USP6NL: variants seen among roughly 807,000 people sequenced by gnomAD.
USP6NL encodes the protein USP6 N-terminal like.
USP6NL carries 26 observed loss-of-function variants against 61.9 expected under a neutral mutation model. The ratio of observed to expected loss-of-function variants is 0.42; its 90% CI spans 0.31 to 0.58. The LOEUF (loss-of-function observed/expected upper bound fraction) is 0.58. USP6NL is among the 20% of genes least tolerant of loss of function. The pLI is 0.16. For synonymous variants in USP6NL, 432 were observed against 390.1 expected (o/e 1.11, Z -1.27); for missense variants, 1,114 against 1,034.3 (o/e 1.08, Z -1.06).
chr10:11,462,462 G>C lies in USP6NL; in HGVS notation c.2466C>G (p.Ile822Met). The change falls in exon 15 of 15, where the codon ATC becomes ATG. Residue 822 changes from isoleucine (I) to methionine (M), a missense_variant. By Grantham distance (10) the Ile-to-Met change is conservative. Coordinates refer to ENST00000609104, the MANE Select transcript of USP6NL (RefSeq NM_014688.5). ...YHYRNRDGLS[I>M]QESVLL ...AATCTCACAGCAACACTGACTCTTG[G>C]ATGGAAAGCCCGTCCCGATTCCTGT... 1 of 1,613,616 alleles carries C rather than the reference G, an allele frequency of 6.2e-7. No individual in the cohort carries two copies. The highest frequency in any genetic ancestry group is 8.5e-7 in the Non-Finnish European group (1 of 1,179,830).
chr10:11,480,239 G>A (rs2440084), intron 14 of USP6NL, among the ~76,000 whole-genome samples: 149,604 of 152,330 alleles, frequency 0.98, 73,514 homozygotes, highest in East Asian at 1. Flanking sequence ...TAAATGAGAC[G>A]GCACCTGTGG....
At chr10:11,543,808 T>TTG (rs1441463351) in intron 2 of USP6NL, among the ~76,000 whole-genome samples, 3 of 119,340 alleles carry the variant, frequency 2.5e-5, no homozygotes, top group African/African-American at 9.5e-5. Context: ...TTTAGGTTTT[T>TTG]TTTTTTTTTT....
chr10:11,552,275 AG>A (rs1260513080), intron 2 of USP6NL, among the ~76,000 whole-genome samples: 3 of 152,250 alleles, frequency 2.0e-5, no homozygotes, highest in Admixed American at 1.3e-4. Context: ...GCAGAATGAA[AG>A]AGCTTCTGAA....
Position 11,532,295 on chromosome 10 carries a change from G to A in USP6NL, c.5-4728C>T. ...TATAGTTCTCGAACACACCAAGAGT[G>A]CTGCCCGGCGGTACCTCACACATTC... On this transcript the variant is annotated intron_variant, in intron 2 of 14. Coordinates refer to ENST00000609104, the MANE Select transcript of USP6NL (RefSeq NM_014688.5). The surrounding 1 kb of genome is among the most constrained non-coding windows in gnomAD (Gnocchi z 4.1). 1 of 1,425,522 alleles carries A rather than the reference G, an allele frequency of 7.0e-7. No homozygotes were observed. Among genetic ancestry groups the A allele is most frequent in the East Asian group, 2.5e-5 (1 of 40,188 alleles). 88.3% of individuals were successfully genotyped at this position (1,425,522 alleles called of 1,614,324 possible). A position where few individuals can be genotyped will look rare whatever the true frequency, so the allele number is the denominator to read the frequency against.
rs911665165 is a variant in USP6NL, at chr10:11,513,322, T to A, written c.196-3647A>T. On this transcript the variant is annotated intron_variant, in intron 5 of 14. Transcript: ENST00000609104. The surrounding 1 kb of genome is among the most constrained non-coding windows in gnomAD (Gnocchi z 4.7). ...CCAGAAGTTAATAATATCCCGTATG[T>A]GGCAGAATGGTAGAAATGGAATTAT... Among the ~76,000 whole-genome samples, 1 of 152,252 alleles carries A rather than the reference T, an allele frequency of 6.6e-6. No homozygotes were observed. Among genetic ancestry groups the A allele is most frequent in the Admixed American group, 6.5e-5 (1 of 15,290 alleles).
At chr10:11,577,316 G>A (rs993540384) in intron 2 of USP6NL, among the ~76,000 whole-genome samples, 11 of 151,800 alleles carry the variant, frequency 7.2e-5, no homozygotes, top group African/African-American at 1.9e-4. Context: ...CACCCACCTC[G>A]CCCTCCCAAA....
At position 11,499,095 on chromosome 10, in the gene USP6NL, C is replaced by T. The variant is rs559786102; in HGVS notation, c.384+2006G>A. ...TATGCTGGGTCCAAATAATTTCACC[C>T]ATCTGAGAAAAGTCTCGGCAGATTA... On this transcript the variant is annotated intron_variant, in intron 7 of 14. Coordinates refer to ENST00000609104, the MANE Select transcript of USP6NL (RefSeq NM_014688.5). The surrounding 1 kb of genome is among the most constrained non-coding windows in gnomAD (Gnocchi z 4.5). 6.6e-6 allele frequency among the ~76,000 whole-genome samples: 1 copy of T among 152,236 alleles called. No individual in the cohort carries two copies. The highest frequency in any genetic ancestry group is 2.4e-5 in the African/African-American group (1 of 41,528).
intron 2 of USP6NL, among the ~76,000 whole-genome samples, chr10:11,583,184 A>T (rs1588410734): frequency 2.2e-5 from 3 of 133,606 alleles, no homozygotes; most frequent in Middle Eastern, 3.8e-3. Flanking sequence ...TATGTTTTCA[A>T]TTTTTTTTTT....
intron 5 of USP6NL, among the ~76,000 whole-genome samples, chr10:11,514,316 T>TATGGGGCGCATATC (rs1591871230): frequency 1.3e-5 from 2 of 152,042 alleles, no homozygotes; most frequent in East Asian, 3.9e-4. Flanking sequence ...CTGAATCAAT[T>TATGGGGCGCATATC]ATGACTGTGA....
chr10:11,515,850 C>T (rs1478137258), intron 5 of USP6NL, among the ~76,000 whole-genome samples: 3 of 152,126 alleles, frequency 2.0e-5, no homozygotes, highest in Non-Finnish European at 4.4e-5. Flanking sequence ...TGTCTTTTTA[C>T]AGAACACCCT....
At chr10:11,569,206 C>T (rs924243940) in intron 2 of USP6NL, among the ~76,000 whole-genome samples, 5 of 152,050 alleles carry the variant, frequency 3.3e-5, no homozygotes, top group African/African-American at 4.8e-5. Context: ...AAGCTGAAAA[C>T]GATTATCCAC....
At chr10:11,506,857 T>C (rs563135760) in intron 6 of USP6NL, among the ~76,000 whole-genome samples, 7 of 152,228 alleles carry the variant, frequency 4.6e-5, no homozygotes, top group African/African-American at 1.7e-4. Context: ...GTAAGGAATC[T>C]GTGGAGAGAA....
intron 1 of USP6NL, among the ~76,000 whole-genome samples, chr10:11,599,529 T>C (rs192725334): frequency 1.9e-4 from 29 of 152,300 alleles, no homozygotes; most frequent in Admixed American, 8.5e-4. Flanking sequence ...ATAAAACTTA[T>C]AAACACTAGA....
chr10:11,508,740 T>C (rs1219309954), intron 6 of USP6NL, among the ~76,000 whole-genome samples: 1 of 152,234 alleles, frequency 6.6e-6, no homozygotes, highest in East Asian at 1.9e-4. Context: ...CCAAGTGCAA[T>C]GACTGTGTCA....
At chr10:11,590,760 C>T (rs1838136779) in intron 2 of USP6NL, among the ~76,000 whole-genome samples, 1 of 151,798 alleles carries the variant, frequency 6.6e-6, no homozygotes, top group Non-Finnish European at 1.5e-5. Context: ...AAACATAATT[C>T]CCCTCTGAAC....
intron 2 of USP6NL, among the ~76,000 whole-genome samples, chr10:11,560,137 A>G (rs1217240165): frequency 1.3e-5 from 2 of 152,220 alleles, no homozygotes; most frequent in Non-Finnish European, 2.9e-5. Flanking sequence ...AGCACGATAC[A>G]TTGCAAATTC....
intron 2 of USP6NL, among the ~76,000 whole-genome samples, chr10:11,550,881 C>G (rs1445489449): frequency 6.6e-6 from 1 of 150,680 alleles, no homozygotes; most frequent in African/African-American, 2.4e-5. Flanking sequence ...CTAAAAGATG[C>G]CCCAAACCAC....
Position 11,592,389 on chromosome 10 carries a change from A to G in USP6NL, c.4+5242T>C, listed in dbSNP as rs1349837665. 6.6e-6 allele frequency among the ~76,000 whole-genome samples: 1 copy of G among 152,182 alleles called. No homozygotes were observed. The highest frequency in any genetic ancestry group is 1.5e-5 in the Non-Finnish European group (1 of 68,040). On this transcript the variant is annotated intron_variant, in intron 2 of 14. Transcript: ENST00000609104. This position sits in a 1 kb window ranked among gnomAD's most constrained non-coding sequence, Gnocchi z 4.7. ...TCTGACAGTGGCCCCTGCCCACTAG[A>G]TGCCATCAGGTCCCCCAGTAACTGT...
chr10:11,464,893 A>T (rs754368805), intron 14 of USP6NL, among the ~76,000 whole-genome samples: 24 of 152,368 alleles, frequency 1.6e-4, no homozygotes, highest in Non-Finnish European at 2.5e-4. Context: ...TTGAAATGCC[A>T]GGAATGGAGA....
Sources: allele counts gnomAD v4.1 joint callset (sites outside exome capture counted in the v4.1 genomes callset), GRCh38; gene constraint gnomAD v4.1.1; non-coding constraint Gnocchi (gnomAD v3.1); transcripts MANE v1.5; gene names NCBI Gene and HGNC (gene_info 2026-07-23, HGNC 2026-07-21).